Variants in ZBED3 observed in about 807,000 individuals in gnomAD.
The protein encoded by ZBED3 is zinc finger BED-type containing 3.
For missense variants in ZBED3, 388 were observed against 362.9 expected, an observed-to-expected ratio of 1.07 and a Z score of -0.56; for synonymous variants, 175 against 180.0, an observed-to-expected ratio of 0.97 and a Z score of 0.22.
At position 77,076,706 on chromosome 5, in the gene ZBED3, T is replaced by G. The variant is rs114492048; in HGVS notation, c.*468A>C. The G allele has an allele frequency of 0.063, 8,904 of 141,584 alleles. 605 individuals are homozygous for G. The highest frequency in any genetic ancestry group is 0.17 in the African/African-American group (6,899 of 39,652). 8.8% of individuals were successfully genotyped at this position (141,584 alleles called of 1,614,324 possible). On this transcript the variant is annotated 3_prime_UTR_variant, in exon 3 of 3. Transcript: ENST00000255198. ...TTAGGAACTCTTTTTTTTTTTTTTT[T>G]GGGTAAAAAGCTTTCTCATTTCCAC...
intron 1 of ZBED3, among the ~76,000 whole-genome samples, chr5:77,086,430 T>A (rs906878698): frequency 1.3e-5 from 2 of 152,210 alleles, no homozygotes; most frequent in African/African-American, 4.8e-5. Context: ...TAGGTCAATG[T>A]ATTAAGCTGT....
At chr5:77,079,055 T>G (rs1743079839) in intron 1 of ZBED3, 1 of 152,182 alleles carries the variant, frequency 6.6e-6, no homozygotes, top group Non-Finnish European at 1.5e-5. Flanking sequence ...TGCACAGTCT[T>G]TTTTATTAGG....
chr5:77,075,945 A>ATG lies in ZBED3; in HGVS notation c.*1228_*1229insCA, dbSNP rs1742969492. 2 of 6,812 alleles carry ATG rather than the reference A, an allele frequency of 2.9e-4. 1 individual carries two copies. The highest frequency in any genetic ancestry group is 1.2e-3 in the African/African-American group (2 of 1,658). The allele number at this position is 6,812 out of a possible 1,614,324, so 0.4% of individuals were successfully genotyped here. A position where few individuals can be genotyped will look rare whatever the true frequency, so the allele number is the denominator to read the frequency against. ...CTAGAACTTAAAGTATTATATATAC[A>ATG]TATATATATATATATATATATGTAT... On this transcript the variant is annotated 3_prime_UTR_variant, in exon 3 of 3. Transcript: ENST00000255198.
chr5:77,077,143 G>T lies in ZBED3; in HGVS notation c.*31C>A. On this transcript the variant is annotated 3_prime_UTR_variant, in exon 3 of 3. Coordinates refer to ENST00000255198, the MANE Select transcript of ZBED3 (RefSeq NM_032367.4). ...AGGCATTGGCATTGGACGGAGAAGC[G>T]CTGTCCTGGGGTGGGGAAGTGGCCA... The T allele has an allele frequency of 7.3e-7, 1 of 1,367,412 alleles. No individual in the cohort carries two copies. 84.7% of individuals were successfully genotyped at this position (1,367,412 alleles called of 1,614,324 possible). A position where few individuals can be genotyped will look rare whatever the true frequency, so the allele number is the denominator to read the frequency against.
chr5:77,077,500 C>T lies in ZBED3; in HGVS notation c.379G>A (p.Gly127Ser), dbSNP rs1430721372. Reference sequence around the variant, plus strand: ...TGTTCCAGCAGGCGCGCCCAGTCGCCCTCGGGGGCCGCAGCGGGGCCGGGC... The same window carrying T: ...TGTTCCAGCAGGCGCGCCCAGTCGCTCTCGGGGGCCGCAGCGGGGCCGGGC... ...PPPGPAAAPEGDWARLLEQMG... is the reference protein window; with the variant it reads ...PPPGPAAAPESDWARLLEQMG... The change falls in exon 3 of 3, where the codon GGC becomes AGC. Residue 127 changes from glycine (G) to serine (S), a missense_variant. Physicochemically the swap from Gly to Ser is moderately conservative, Grantham distance 56. Coordinates refer to ENST00000255198, the MANE Select transcript of ZBED3 (RefSeq NM_032367.4). 1 of 1,191,676 alleles carries T rather than the reference C, an allele frequency of 8.4e-7. No homozygotes were observed. The highest frequency in any genetic ancestry group is 3.7e-5 in the East Asian group (1 of 27,078). The allele number at this position is 1,191,676 out of a possible 1,614,324, so 73.8% of individuals were successfully genotyped here.
chr5:77,076,340 C>T lies in ZBED3; in HGVS notation c.*834G>A, dbSNP rs1743002774. The T allele has an allele frequency of 6.6e-6, 1 of 152,090 alleles. No individual in the cohort carries two copies. Among genetic ancestry groups the T allele is most frequent in the Admixed American group, 6.6e-5 (1 of 15,266 alleles). 9.4% of individuals were successfully genotyped at this position (152,090 alleles called of 1,614,324 possible). On this transcript the variant is annotated 3_prime_UTR_variant, in exon 3 of 3. Transcript: ENST00000255198. Reference sequence around the variant, plus strand: ...AGATGTGGCCTTAAGCGGAGGGATGCTTTCCCCTTCAGCCCAGAGGTGAGC... The same window carrying T: ...AGATGTGGCCTTAAGCGGAGGGATGTTTTCCCCTTCAGCCCAGAGGTGAGC...
chr5:77,077,787 G>GGCCCCA lies in ZBED3; in HGVS notation c.86_91dup (p.Leu29_Gly30dup). ...GCCGGGAGGCGTCGGCGTCGGCGCC[G>GGCCCCA]GCCCCAGTCCCGGACACTGACCGCC... is the stretch of plus-strand genomic sequence containing the variant. On this transcript the variant is annotated inframe_insertion, in exon 3 of 3. Coordinates refer to ENST00000255198, the MANE Select transcript of ZBED3 (RefSeq NM_032367.4). 1.5e-6 allele frequency: 2 copies of GGCCCCA among 1,317,642 alleles called. No homozygotes were observed. Among genetic ancestry groups the GGCCCCA allele is most frequent in the East Asian group, 3.1e-5 (1 of 32,284 alleles). 81.6% of individuals were successfully genotyped at this position (1,317,642 alleles called of 1,614,324 possible). A position where few individuals can be genotyped will look rare whatever the true frequency, so the allele number is the denominator to read the frequency against.
rs1323904216 is a variant in ZBED3, at chr5:77,072,090, C to T, written c.*5084G>A. On this transcript the variant is annotated 3_prime_UTR_variant, in exon 3 of 3. Coordinates refer to ENST00000255198, the MANE Select transcript of ZBED3 (RefSeq NM_032367.4). ...CATTTAATGTTTTTCCTTAAAGCCT[C>T]ATTTTAATACTGTGAAACCAGATTT... 6.6e-6 allele frequency: 1 copy of T among 152,142 alleles called. No individual in the cohort carries two copies. Among genetic ancestry groups the T allele is most frequent in the African/African-American group, 2.4e-5 (1 of 41,410 alleles). The allele number at this position is 152,142 out of a possible 1,614,324, so 9.4% of individuals were successfully genotyped here. A position where few individuals can be genotyped will look rare whatever the true frequency, so the allele number is the denominator to read the frequency against.
At position 77,074,352 on chromosome 5, in the gene ZBED3, A is replaced by T. The variant is rs534709232; in HGVS notation, c.*2822T>A. 1.3e-5 allele frequency: 2 copies of T among 152,430 alleles called. No individual in the cohort carries two copies. The highest frequency in any genetic ancestry group is 4.8e-5 in the African/African-American group (2 of 41,556). 9.4% of individuals were successfully genotyped at this position (152,430 alleles called of 1,614,324 possible). A position where few individuals can be genotyped will look rare whatever the true frequency, so the allele number is the denominator to read the frequency against. Reference sequence around the variant, plus strand: ...TAAGGGACAGTTGGGGGAGACAAGGATGGGAAGATGCATGATAAATGGGCC... The same window carrying T: ...TAAGGGACAGTTGGGGGAGACAAGGTTGGGAAGATGCATGATAAATGGGCC... On this transcript the variant is annotated 3_prime_UTR_variant, in exon 3 of 3. Transcript: ENST00000255198.
chr5:77,076,048 T>C lies in ZBED3; in HGVS notation c.*1126A>G, dbSNP rs1478616977. 4.6e-5 allele frequency: 6 copies of C among 129,420 alleles called. No homozygotes were observed. Among genetic ancestry groups the C allele is most frequent in the African/African-American group, 1.8e-4 (6 of 33,790 alleles). The allele number at this position is 129,420 out of a possible 1,614,324, so 8.0% of individuals were successfully genotyped here. On this transcript the variant is annotated 3_prime_UTR_variant, in exon 3 of 3. Transcript: ENST00000255198. ...ATATATATATGTATATATGTATATA[T>C]ATATATAATATATACACACATAAAG...
At position 77,077,138 on chromosome 5, in the gene ZBED3, G is replaced by A; in HGVS notation, c.*36C>T. On this transcript the variant is annotated 3_prime_UTR_variant, in exon 3 of 3. Coordinates refer to ENST00000255198, the MANE Select transcript of ZBED3 (RefSeq NM_032367.4). The stretch of plus-strand genomic sequence containing the variant: ...TCTGAAGGCATTGGCATTGGACGGA[G>A]AAGCGCTGTCCTGGGGTGGGGAAGT... 1 of 1,356,246 alleles carries A rather than the reference G, an allele frequency of 7.4e-7. No individual in the cohort carries two copies. 84.0% of individuals were successfully genotyped at this position (1,356,246 alleles called of 1,614,324 possible).
intron 1 of ZBED3, among the ~76,000 whole-genome samples, chr5:77,081,269 A>C (rs1294976941): frequency 2.6e-5 from 4 of 151,724 alleles, no homozygotes; most frequent in Non-Finnish European, 5.9e-5. Context: ...GAAAAGGCAC[A>C]CTCCTCAATT....
rs1742990198 is a variant in ZBED3, at chr5:77,076,021, GTATATATATATGTATATATGTATATA to G, written c.*1127_*1152del. 2.5e-5 allele frequency: 1 copy of G among 39,442 alleles called. No homozygotes were observed. Among genetic ancestry groups the G allele is most frequent in the African/African-American group, 9.1e-5 (1 of 11,026 alleles). 2.4% of individuals were successfully genotyped at this position (39,442 alleles called of 1,614,324 possible). A position where few individuals can be genotyped will look rare whatever the true frequency, so the allele number is the denominator to read the frequency against. ...TATATGTATATATATATGTATATAT[GTATATATATATGTATATATGTATATA>G]TATATATAATATATACACACATAAA... On this transcript the variant is annotated 3_prime_UTR_variant, in exon 3 of 3. Transcript: ENST00000255198.
chr5:77,086,832 A>C (rs1743251991), intron 1 of ZBED3: 1 of 152,330 alleles, frequency 6.6e-6, no homozygotes, highest in Non-Finnish European at 1.5e-5. Flanking sequence ...AGTGGTGACG[A>C]ATTTCCACAT....
Position 77,077,789 on chromosome 5 carries a change from C to A in ZBED3, c.90G>T (p.Gly30=), listed in dbSNP as rs1364422789. 1 of 1,317,818 alleles carries A rather than the reference C, an allele frequency of 7.6e-7. No homozygotes were observed. Among genetic ancestry groups the A allele is most frequent in the South Asian group, 2.1e-5 (1 of 46,700 alleles). The allele number at this position is 1,317,818 out of a possible 1,614,324, so 81.6% of individuals were successfully genotyped here. The part of the protein sequence containing the change: ...AARGGQCPGL[G]PAPTPTPPGR... ...CGGGAGGCGTCGGCGTCGGCGCCGGCCCCAGTCCCGGACACTGACCGCCCC... is the reference window on the plus strand; with the variant it reads ...CGGGAGGCGTCGGCGTCGGCGCCGGACCCAGTCCCGGACACTGACCGCCCC... The change falls in exon 3 of 3, where the codon GGG becomes GGT. Residue 30 remains glycine, a synonymous_variant. Transcript: ENST00000255198.
chr5:77,083,213 C>G (rs565987772), intron 1 of ZBED3, among the ~76,000 whole-genome samples: 1 of 152,346 alleles, frequency 6.6e-6, no homozygotes, highest in East Asian at 1.9e-4. Flanking sequence ...GCAGGGCCAG[C>G]CCAGCCTTAA....
At chr5:77,082,335 C>G (rs185306493) in intron 1 of ZBED3, among the ~76,000 whole-genome samples, 5 of 151,102 alleles carry the variant, frequency 3.3e-5, no homozygotes, top group Non-Finnish European at 5.9e-5. Context: ...ACTATCAGCA[C>G]CAATAAACAC....
rs747859663 is a variant in ZBED3, at chr5:77,077,232, A to AGCG, written c.644_646dup (p.Pro215dup). The AGCG allele has an allele frequency of 1.6e-4, 236 of 1,488,852 alleles. No individual in the cohort carries two copies. The highest frequency in any genetic ancestry group is 1.9e-4 in the Non-Finnish European group (218 of 1,124,800). 92.2% of individuals were successfully genotyped at this position (1,488,852 alleles called of 1,614,324 possible). A position where few individuals can be genotyped will look rare whatever the true frequency, so the allele number is the denominator to read the frequency against. ...CCTGTCACCCTCGGGGTCGTCCTTG[A>AGCG]GCGGCGGCGGCGCAGCGGGGGCCCA... On this transcript the variant is annotated inframe_insertion, in exon 3 of 3. Coordinates refer to ENST00000255198, the MANE Select transcript of ZBED3 (RefSeq NM_032367.4).
In ZBED3 at chr5:77,077,093, C is replaced by T. The variant is rs999625504; in HGVS notation, c.*81G>A. 8.1e-6 allele frequency: 9 copies of T among 1,114,826 alleles called. No individual in the cohort carries two copies. Among genetic ancestry groups the T allele is most frequent in the Non-Finnish European group, 9.2e-6 (8 of 869,494 alleles). 69.1% of individuals were successfully genotyped at this position (1,114,826 alleles called of 1,614,324 possible). ...GCGGCTGCGGGCCTGGCTTCGGTTA[C>T]GGCTTCGGTCCCAGCGGGGTCTGAA... On this transcript the variant is annotated 3_prime_UTR_variant, in exon 3 of 3. Transcript: ENST00000255198.
Sources: gnomAD v4.1 joint callset for allele counts (sites outside exome capture counted in the v4.1 genomes callset) on GRCh38, gnomAD v4.1.1 for gene constraint, MANE v1.5 for transcripts, NCBI Gene and HGNC (gene_info 2026-07-23, HGNC 2026-07-21) for gene names.